The following PTCD2 variants were observed in gnomAD, a reference collection of about 807,000 sequenced individuals.
PTCD2 encodes the protein pentatricopeptide repeat-containing protein 2, mitochondrial.
PTCD2 carries 31 observed loss-of-function variants against 42.6 expected under a neutral mutation model. The ratio of observed to expected loss-of-function variants is 0.73; its 90% confidence interval spans 0.55 to 0.98. The LOEUF (loss-of-function observed/expected upper bound fraction) is 0.98, where lower values mean the gene tolerates loss of function less well. Among genes scored for constraint, PTCD2 ranks in the 50% least tolerant of loss-of-function variants. The probability of loss-of-function intolerance (pLI) is 0.00; values close to 1 mark genes in which losing one functional copy is unlikely to be tolerated. For synonymous variants in PTCD2, 183 were observed against 170.9 expected (o/e 1.07, Z -0.55); for missense variants, 476 against 454.8 (o/e 1.05, Z -0.42).
rs901219026 is a variant in PTCD2, at chr5:72,367,903, G to A, written c.*9476G>A. The A allele has an allele frequency of 2.0e-5, 3 of 152,186 alleles. No homozygotes were observed. The highest frequency in any genetic ancestry group is 2.9e-5 in the Non-Finnish European group (2 of 68,036). The allele number at this position is 152,186 out of a possible 1,614,324, so 9.4% of individuals were successfully genotyped here. A position where few individuals can be genotyped will look rare whatever the true frequency, so the allele number is the denominator to read the frequency against. On this transcript the variant is annotated 3_prime_UTR_variant, in exon 10 of 10. Transcript: ENST00000380639. ...CCACCATGACAAAGTGGAGAGCTGG[G>A]CGGTTAACCAGTGAACCAATTGAGT... is the stretch of plus-strand genomic sequence containing the variant.
rs1753092139 is a variant in PTCD2, at chr5:72,361,422, G to A, written c.*2995G>A. 1 of 152,208 alleles carries A rather than the reference G, an allele frequency of 6.6e-6. No homozygotes were observed. The highest frequency in any genetic ancestry group is 2.4e-5 in the African/African-American group (1 of 41,444). 9.4% of individuals were successfully genotyped at this position (152,208 alleles called of 1,614,324 possible). A position where few individuals can be genotyped will look rare whatever the true frequency, so the allele number is the denominator to read the frequency against. Reference sequence around the variant, plus strand: ...AGGACCTCAGCTAGTGCTGGGGCTGGAACATGTCTACACATAGCTTCCCCA... The same window carrying A: ...AGGACCTCAGCTAGTGCTGGGGCTGAAACATGTCTACACATAGCTTCCCCA... On this transcript the variant is annotated 3_prime_UTR_variant, in exon 10 of 10. Transcript: ENST00000380639.
chr5:72,335,749 AG>A (rs1193934767), intron 5 of PTCD2, 44 bp from the exon 6 acceptor site: 1 of 1,279,898 alleles, frequency 7.8e-7, no homozygotes, highest in South Asian at 1.2e-5. Flanking sequence ...GGGGGCCAAC[AG>A]TAGAGGAACT....
At chr5:72,331,122 T>C (rs1252182328) in intron 3 of PTCD2, 136 bp from the exon 4 acceptor site, 1 of 658,178 alleles carries the variant, frequency 1.5e-6, no homozygotes, top group Non-Finnish European at 2.8e-6. Flanking sequence ...GAAATCTCCA[T>C]TTCTCCCCCT....
chr5:72,364,596 GAA>G lies in PTCD2; in HGVS notation c.*6171_*6172del, dbSNP rs954771278. 1.3e-5 allele frequency: 2 copies of G among 152,140 alleles called. No homozygotes were observed. Among genetic ancestry groups the G allele is most frequent in the African/African-American group, 4.8e-5 (2 of 41,432 alleles). 9.4% of individuals were successfully genotyped at this position (152,140 alleles called of 1,614,324 possible). A position where few individuals can be genotyped will look rare whatever the true frequency, so the allele number is the denominator to read the frequency against. On this transcript the variant is annotated 3_prime_UTR_variant, in exon 10 of 10. Coordinates refer to ENST00000380639, the MANE Select transcript of PTCD2 (RefSeq NM_024754.5). ...ATCTAATGAGGTCTTAATATTTTTT[GAA>G]AGAGTGATTTCATTAATTAACGGCA...
rs766313422 is a variant in PTCD2 at position 72,363,652 on chromosome 5, T to C, written c.*5225T>C. ...ACCCACTGCTGAGGTCTGTAGTCTC[T>C]ACCATCTGCCCTACACATAATAAGT... On this transcript the variant is annotated 3_prime_UTR_variant, in exon 10 of 10. Coordinates refer to ENST00000380639, the MANE Select transcript of PTCD2 (RefSeq NM_024754.5). 6.6e-6 allele frequency: 1 copy of C among 152,216 alleles called. No homozygotes were observed. The highest frequency in any genetic ancestry group is 1.5e-5 in the Non-Finnish European group (1 of 68,038). The allele number at this position is 152,216 out of a possible 1,614,324, so 9.4% of individuals were successfully genotyped here. A position where few individuals can be genotyped will look rare whatever the true frequency, so the allele number is the denominator to read the frequency against.
intron 7 of PTCD2, among the ~76,000 whole-genome samples, chr5:72,339,351 A>G (rs1751924727): frequency 1.3e-5 from 2 of 152,218 alleles, no homozygotes; most frequent in Non-Finnish European, 2.9e-5. Flanking sequence ...AAAAATATGA[A>G]ATGCTTTACA....
At position 72,366,639 on chromosome 5, in the gene PTCD2, C is replaced by G. The variant is rs899757036; in HGVS notation, c.*8212C>G. 6.6e-6 allele frequency: 1 copy of G among 152,188 alleles called. No homozygotes were observed. The highest frequency in any genetic ancestry group is 1.5e-5 in the Non-Finnish European group (1 of 68,046). 9.4% of individuals were successfully genotyped at this position (152,188 alleles called of 1,614,324 possible). On this transcript the variant is annotated 3_prime_UTR_variant, in exon 10 of 10. Coordinates refer to ENST00000380639, the MANE Select transcript of PTCD2 (RefSeq NM_024754.5). ...GGAATTCAGAGAGAACAGAGGTCCA[C>G]ATAGCAGGCTAGACAGGAAAGGTAG...
At position 72,335,006 on chromosome 5, in the gene PTCD2, C is replaced by G. The variant is rs745925808; in HGVS notation, c.469-12C>G. The stretch of plus-strand genomic sequence containing the variant: ...TAACTTTTAACCAAACTGTATTGTT[C>G]TTCTTCGTTAGCATTTACGAGGTTT... On this transcript the variant is annotated splice_polypyrimidine_tract_variant and intron_variant, in intron 4 of 9. Transcript: ENST00000380639. 1 of 1,547,852 alleles carries G rather than the reference C, an allele frequency of 6.5e-7. No homozygotes were observed.
At chr5:72,330,666 C>G (rs1414422533) in intron 3 of PTCD2, among the ~76,000 whole-genome samples, 2 of 152,208 alleles carry the variant, frequency 1.3e-5, no homozygotes, top group African/African-American at 2.4e-5. Context: ...TAGAAGACAT[C>G]ATTATCTTTG....
chr5:72,342,682 A>AT (rs1440798502), intron 7 of PTCD2, among the ~76,000 whole-genome samples: 1 of 152,024 alleles, frequency 6.6e-6, no homozygotes, highest in South Asian at 2.1e-4. Context: ...CTTCATTCCT[A>AT]TTTTTTTAGA....
At chr5:72,347,674 G>T (rs1752426531) in intron 8 of PTCD2, among the ~76,000 whole-genome samples, 2 of 152,106 alleles carry the variant, frequency 1.3e-5, no homozygotes. Flanking sequence ...GCAACAGAGC[G>T]AGACTCTGCC....
At chr5:72,352,370 T>A (rs1057489264) in intron 8 of PTCD2, among the ~76,000 whole-genome samples, 1 of 152,158 alleles carries the variant, frequency 6.6e-6, no homozygotes, top group Non-Finnish European at 1.5e-5. Context: ...ATGGTCTCTA[T>A]CTCTTGACCT....
chr5:72,366,166 A>G lies in PTCD2; in HGVS notation c.*7739A>G, dbSNP rs1474479410. 1 of 152,200 alleles carries G rather than the reference A, an allele frequency of 6.6e-6. No homozygotes were observed. The highest frequency in any genetic ancestry group is 1.5e-5 in the Non-Finnish European group (1 of 68,054). 9.4% of individuals were successfully genotyped at this position (152,200 alleles called of 1,614,324 possible). Reference sequence around the variant, plus strand: ...GGGAGACGGAGGTTACAGTGAGCCTAGACTGCGCCATTGCACTCTAGCCTA... The same window carrying G: ...GGGAGACGGAGGTTACAGTGAGCCTGGACTGCGCCATTGCACTCTAGCCTA... On this transcript the variant is annotated 3_prime_UTR_variant, in exon 10 of 10. Coordinates refer to ENST00000380639, the MANE Select transcript of PTCD2 (RefSeq NM_024754.5).
chr5:72,351,384 T>G (rs1295006008), intron 8 of PTCD2, among the ~76,000 whole-genome samples: 1 of 152,194 alleles, frequency 6.6e-6, no homozygotes, highest in African/African-American at 2.4e-5. Flanking sequence ...TCATTAACAT[T>G]CCAGCCAGCT....
At chr5:72,324,678 T>G (rs913009435) in intron 2 of PTCD2, among the ~76,000 whole-genome samples, 1 of 152,176 alleles carries the variant, frequency 6.6e-6, no homozygotes, top group South Asian at 2.1e-4. Context: ...CAGAAGAGTC[T>G]TATTATGTTT....
At chr5:72,338,002 T>C (rs183243078) in intron 6 of PTCD2, among the ~76,000 whole-genome samples, 3 of 152,336 alleles carry the variant, frequency 2.0e-5, no homozygotes, top group Admixed American at 6.5e-5. Context: ...ACTCCCGTTA[T>C]GACAGATGAC....
chr5:72,352,208 C>T lies in PTCD2; in HGVS notation c.829-433C>T, dbSNP rs577626780. Among the ~76,000 whole-genome samples, 50 of 152,164 alleles carry T rather than the reference C, an allele frequency of 3.3e-4. No homozygotes were observed. In the South Asian group the frequency reaches 9.3e-3, roughly 28 times the overall value. ...CTGTTGCCAGGCTGCAGTGCAGTGC[C>T]GCAATCTCGTCTCACTGCAACCTCC... is the stretch of plus-strand genomic sequence containing the variant. On this transcript the variant is annotated intron_variant, in intron 8 of 9. Transcript: ENST00000380639.
intron 1 of PTCD2, chr5:72,321,360 T>A (rs566382586): frequency 6.6e-5 from 10 of 152,358 alleles, no homozygotes; most frequent in African/African-American, 2.2e-4. Flanking sequence ...TTTCTCCATT[T>A]ACAGAGGAGG....
rs1010668960 is a variant in PTCD2, at chr5:72,366,401, A to C, written c.*7974A>C. ...ACACTAGAGAGCGGGAGAGCACAGTATTTGAACCCAGGAGGTCTGATGCTG... is the reference window on the plus strand; with the variant it reads ...ACACTAGAGAGCGGGAGAGCACAGTCTTTGAACCCAGGAGGTCTGATGCTG... On this transcript the variant is annotated 3_prime_UTR_variant, in exon 10 of 10. Transcript: ENST00000380639. The C allele has an allele frequency of 2.6e-5, 4 of 152,138 alleles. No individual in the cohort carries two copies. The highest frequency in any genetic ancestry group is 5.9e-5 in the Non-Finnish European group (4 of 68,030). The allele number at this position is 152,138 out of a possible 1,614,324, so 9.4% of individuals were successfully genotyped here.
Sources: gnomAD v4.1 joint callset for allele counts (sites outside exome capture counted in the v4.1 genomes callset) on GRCh38, gnomAD v4.1.1 for gene constraint, MANE v1.5 for transcripts, NCBI Gene and HGNC (gene_info 2026-07-23, HGNC 2026-07-21) for gene names.